The following PDE4D variants were observed in gnomAD, a reference collection of about 807,000 sequenced individuals.
The protein encoded by PDE4D is 3',5'-cyclic-AMP phosphodiesterase 4D.
In PDE4D, 24 loss-of-function variants were observed where a neutral mutation model predicts 87.4. The ratio of observed to expected loss-of-function variants is 0.27; its 90% CI spans 0.20 to 0.39. PDE4D has a LOEUF of 0.39. PDE4D is among the 10% of genes least tolerant of loss of function. PDE4D has a pLI of 1.00. For synonymous variants in PDE4D, 384 were observed against 383.2 expected (o/e 1.00, Z -0.02); for missense variants, 714 against 1,041.0 (o/e 0.69, Z 4.32).
intron 1 of PDE4D, among the ~76,000 whole-genome samples, chr5:59,426,442 A>G (rs946398269): frequency 9.2e-5 from 14 of 151,904 alleles, no homozygotes; most frequent in Non-Finnish European, 2.9e-5. Flanking sequence ...TTTTTTTCTG[A>G]TCCCAGCGAT....
intron 1 of PDE4D, among the ~76,000 whole-genome samples, chr5:59,379,712 A>C (rs10514865): frequency 0.25 from 37,312 of 151,958 alleles, 5,756 homozygotes; most frequent in African/African-American, 0.42. Flanking sequence ...CTAGGTTCTC[A>C]ATATTATAGG....
At chr5:59,800,961 T>C (rs574192616) in intron 1 of PDE4D, among the ~76,000 whole-genome samples, 7 of 152,350 alleles carry the variant, frequency 4.6e-5, no homozygotes, top group African/African-American at 1.7e-4. Context: ...GAATCTGATA[T>C]TTGAAGGTGC....
chr5:59,751,611 G>GTGTGTGTGTGTGTGTGTGT (rs59328183), intron 1 of PDE4D, among the ~76,000 whole-genome samples: 1 of 144,208 alleles, frequency 6.9e-6, no homozygotes, highest in African/African-American at 2.6e-5. Context: ...GTGTGTGTGT[G>GTGTGTGTGTGTGTGTGTGT]ATGTGAGAGC....
At chr5:59,611,172 T>C (rs1309204255) in intron 1 of PDE4D, among the ~76,000 whole-genome samples, 1 of 152,218 alleles carries the variant, frequency 6.6e-6, no homozygotes, top group African/African-American at 2.4e-5. Context: ...AAGTCCAAGA[T>C]GAAGGCATCA....
In PDE4D at chr5:58,990,791, T is replaced by A. The variant is rs1482570348; in HGVS notation, c.1287+13A>T. On this transcript the variant is annotated intron_variant, in intron 9 of 14. Coordinates refer to ENST00000340635, the MANE Select transcript of PDE4D (RefSeq NM_001104631.2). ...CTAAATAAAATAAATGTAATAGAAC[T>A]CAACCACCTTACCTGAAAAATGGTG... 1 of 1,378,216 alleles carries A rather than the reference T, an allele frequency of 7.3e-7. No individual in the cohort carries two copies. Among genetic ancestry groups the A allele is most frequent in the Non-Finnish European group, 1.0e-6 (1 of 979,340 alleles). 85.4% of individuals were successfully genotyped at this position (1,378,216 alleles called of 1,614,324 possible).
chr5:59,600,277 C>T (rs999830468), intron 1 of PDE4D, among the ~76,000 whole-genome samples: 3 of 152,198 alleles, frequency 2.0e-5, no homozygotes, highest in Non-Finnish European at 2.9e-5. Context: ...CTACTCAGTT[C>T]TCTCTCTCTT....
intron 1 of PDE4D, among the ~76,000 whole-genome samples, chr5:59,290,115 A>G (rs1028886817): frequency 1.4e-4 from 22 of 152,040 alleles, no homozygotes; most frequent in Admixed American, 1.3e-3. Context: ...TACAGATTCA[A>G]TGTAGTCCCT....
intron 2 of PDE4D, among the ~76,000 whole-genome samples, chr5:60,165,362 C>T (rs1782794725): frequency 7.0e-6 from 1 of 141,852 alleles, no homozygotes; most frequent in African/African-American, 3.2e-5. Context: ...TTCCATTGGT[C>T]TATCTGTTTG....
chr5:58,997,316 T>TA (rs1380597667), intron 6 of PDE4D, among the ~76,000 whole-genome samples: 14 of 152,146 alleles, frequency 9.2e-5, no homozygotes, highest in Admixed American at 5.2e-4. Flanking sequence ...CTAGATGTAC[T>TA]AAAAAAATGC....
intron 1 of PDE4D, among the ~76,000 whole-genome samples, chr5:60,404,045 C>G (rs1230544501): frequency 6.6e-6 from 1 of 152,010 alleles, no homozygotes; most frequent in Non-Finnish European, 1.5e-5. Flanking sequence ...AGCGATTCTC[C>G]TCAGAAAGGA....
At chr5:59,285,416 A>T (rs1766733386) in intron 1 of PDE4D, among the ~76,000 whole-genome samples, 1 of 152,074 alleles carries the variant, frequency 6.6e-6, no homozygotes, top group African/African-American at 2.4e-5. Context: ...TCAAAAACTG[A>T]GTCTTGCCTC....
chr5:59,425,606 CA>C (rs1166289022), intron 1 of PDE4D, among the ~76,000 whole-genome samples: 1 of 152,046 alleles, frequency 6.6e-6, no homozygotes, highest in Non-Finnish European at 1.5e-5. Flanking sequence ...TATAAAAAAG[CA>C]AATGTTAGTC....
At chr5:59,277,610 T>A (rs1765066472) in intron 1 of PDE4D, among the ~76,000 whole-genome samples, 1 of 152,168 alleles carries the variant, frequency 6.6e-6, no homozygotes. Flanking sequence ...TCCCTCCATG[T>A]AAGGTCTACC....
At chr5:59,708,757 T>A (rs942270948) in intron 1 of PDE4D, among the ~76,000 whole-genome samples, 1 of 152,162 alleles carries the variant, frequency 6.6e-6, no homozygotes, top group Non-Finnish European at 1.5e-5. Flanking sequence ...CAATTCATGA[T>A]GATTAATTTG....
intron 1 of PDE4D, among the ~76,000 whole-genome samples, chr5:59,337,873 C>T (rs909128253): frequency 6.6e-6 from 1 of 152,170 alleles, no homozygotes; most frequent in East Asian, 1.9e-4. Context: ...ATTAAACCTA[C>T]AAATGTCATG....
intron 1 of PDE4D, among the ~76,000 whole-genome samples, chr5:60,258,590 A>C (rs975463295): frequency 4.6e-5 from 7 of 152,000 alleles, no homozygotes; most frequent in Non-Finnish European, 8.8e-5. Flanking sequence ...AAAATATTCA[A>C]AAGGAAAAAT....
At chr5:59,889,905 C>G (rs1302648808) in intron 1 of PDE4D, among the ~76,000 whole-genome samples, 1 of 152,132 alleles carries the variant, frequency 6.6e-6, no homozygotes, top group Non-Finnish European at 1.5e-5. Context: ...GACAGACACA[C>G]TTTATATAAA....
At chr5:59,306,599 C>T (rs1410204858) in intron 1 of PDE4D, among the ~76,000 whole-genome samples, 2 of 152,104 alleles carry the variant, frequency 1.3e-5, no homozygotes, top group Admixed American at 1.3e-4. Flanking sequence ...TCAGTAAACT[C>T]CCATTCACAA....
intron 5 of PDE4D, among the ~76,000 whole-genome samples, chr5:59,168,192 C>T (rs1344143893): frequency 6.6e-6 from 1 of 151,970 alleles, no homozygotes; most frequent in Non-Finnish European, 1.5e-5. Flanking sequence ...AGCTAGGAAA[C>T]TTTTGCCTAG....
Sources: allele counts gnomAD v4.1 joint callset (sites outside exome capture counted in the v4.1 genomes callset), GRCh38; gene constraint gnomAD v4.1.1; transcripts MANE v1.5; gene names NCBI Gene and HGNC (gene_info 2026-07-23, HGNC 2026-07-21).